The following LYSMD3 variants were observed in gnomAD, a reference collection of about 807,000 sequenced individuals.
LYSMD3 encodes the protein lysM and putative peptidoglycan-binding domain-containing protein 3.
LYSMD3 carries 13 observed loss-of-function variants against 26.1 expected under a neutral mutation model. The observed-to-expected ratio is 0.50, with a 90% confidence interval of 0.32 to 0.79. LYSMD3 has a LOEUF of 0.79. Among genes scored for constraint, LYSMD3 ranks in the 30% least tolerant of loss-of-function variants. The pLI is 0.03. For synonymous variants in LYSMD3, 109 were observed against 119.4 expected (o/e 0.91, Z 0.57); for missense variants, 331 against 362.5 (o/e 0.91, Z 0.71).
In LYSMD3 at chr5:90,517,474, A is replaced by G. The variant is rs573229091; in HGVS notation, c.*1345T>C. ...TCTATTGAAGAATCATTCTGGTTAC[A>G]TTTTTAAAACACATACTTTTAAAGA... On this transcript the variant is annotated 3_prime_UTR_variant, in exon 3 of 3. Coordinates refer to ENST00000315948, the MANE Select transcript of LYSMD3 (RefSeq NM_198273.2). 2 of 152,140 alleles carry G rather than the reference A, an allele frequency of 1.3e-5. No individual in the cohort carries two copies. Among genetic ancestry groups the G allele is most frequent in the South Asian group, 4.1e-4 (2 of 4,828 alleles). 9.4% of individuals were successfully genotyped at this position (152,140 alleles called of 1,614,324 possible).
In LYSMD3 at chr5:90,516,766, C is replaced by T. The variant is rs1352541995; in HGVS notation, c.*2053G>A. On this transcript the variant is annotated 3_prime_UTR_variant, in exon 3 of 3. Coordinates refer to ENST00000315948, the MANE Select transcript of LYSMD3 (RefSeq NM_198273.2). Reference sequence around the variant, plus strand: ...GTGTTATAAGGATGTATATTTCCTTCAAAAAAGGATACTCTGCAAGACAAA... The same window carrying T: ...GTGTTATAAGGATGTATATTTCCTTTAAAAAAGGATACTCTGCAAGACAAA... 2 of 152,166 alleles carry T rather than the reference C, an allele frequency of 1.3e-5. No homozygotes were observed. The highest frequency in any genetic ancestry group is 2.9e-5 in the Non-Finnish European group (2 of 67,834). 9.4% of individuals were successfully genotyped at this position (152,166 alleles called of 1,614,324 possible).
intron 2 of LYSMD3, among the ~76,000 whole-genome samples, chr5:90,523,397 A>T (rs867688879): frequency 1.5e-4 from 23 of 151,948 alleles, no homozygotes; most frequent in Middle Eastern, 3.4e-3. Flanking sequence ...CATGACCATA[A>T]TTTTTTTAGA....
chr5:90,528,849 C>T (rs1229746077), intron 1 of LYSMD3, among the ~76,000 whole-genome samples: 1 of 152,186 alleles, frequency 6.6e-6, no homozygotes, highest in African/African-American at 2.4e-5. Context: ...GTTTCCCAAA[C>T]ACCTTCGTAC....
At chr5:90,529,008 T>TA (rs1327217963) in intron 1 of LYSMD3, among the ~76,000 whole-genome samples, 3 of 152,182 alleles carry the variant, frequency 2.0e-5, no homozygotes, top group Admixed American at 6.5e-5. Context: ...TTTTAAAACT[T>TA]AACTACCTCC....
intron 1 of LYSMD3, 140 bp from the exon 2 acceptor site, chr5:90,525,440 G>T (rs550601796): frequency 1.1e-6 from 1 of 887,638 alleles, no homozygotes; most frequent in Non-Finnish European, 1.6e-6. Context: ...GTTTAAGTTC[G>T]TTTTTTTGTT....
intron 2 of LYSMD3, among the ~76,000 whole-genome samples, chr5:90,522,898 A>G (rs2151921588): frequency 2.0e-5 from 3 of 152,340 alleles, no homozygotes; most frequent in Middle Eastern, 6.8e-3. Context: ...CTCATTGGAA[A>G]TATGACCTAT....
chr5:90,519,170 T>C lies in LYSMD3; in HGVS notation c.570A>G (p.Thr190=). The change falls in exon 3 of 3, where the codon ACA becomes ACG. Residue 190 remains threonine, a synonymous_variant. Transcript: ENST00000315948. ...ENLNEVVSAL[T]AQQMRFEPDN... is the part of the protein sequence containing the mutation. ...CAGGTTCAAAACGCATTTGTTGTGC[T>C]GTTAAGGCCGATACTACCTCATTGA... The C allele has an allele frequency of 6.2e-7, 1 of 1,614,118 alleles. No individual in the cohort carries two copies. The highest frequency in any genetic ancestry group is 8.5e-7 in the Non-Finnish European group (1 of 1,179,992).
Position 90,519,157 on chromosome 5 carries a change from G to A in LYSMD3, c.583C>T (p.Arg195Cys), listed in dbSNP as rs376158587. The A allele has an allele frequency of 7.6e-5, 122 of 1,613,858 alleles. No homozygotes were observed. The highest frequency in any genetic ancestry group is 3.2e-4 in the Admixed American group (19 of 59,990). Reference sequence around the variant, plus strand: ...GTGTTTTTGTTATCAGGTTCAAAACGCATTTGTTGTGCTGTTAAGGCCGAT... The same window carrying A: ...GTGTTTTTGTTATCAGGTTCAAAACACATTTGTTGTGCTGTTAAGGCCGAT... ...VVSALTAQQMRFEPDNKNTQR... is the reference protein window; with the variant it reads ...VVSALTAQQMCFEPDNKNTQR... The change falls in exon 3 of 3, where the codon CGT becomes TGT. Residue 195 changes from arginine (R) to cysteine (C), a missense_variant. Arg to Cys is a radical substitution (Grantham distance 180, BLOSUM62 -3). Coordinates refer to ENST00000315948, the MANE Select transcript of LYSMD3 (RefSeq NM_198273.2).
chr5:90,517,569 A>G lies in LYSMD3; in HGVS notation c.*1250T>C, dbSNP rs904268423. The stretch of plus-strand genomic sequence containing the variant: ...CTGTAGCCGACTCAACAGATCTTAA[A>G]AAGAGGCACTACCACCCCCTTTCAA... On this transcript the variant is annotated 3_prime_UTR_variant, in exon 3 of 3. Coordinates refer to ENST00000315948, the MANE Select transcript of LYSMD3 (RefSeq NM_198273.2). 1.3e-5 allele frequency: 2 copies of G among 152,038 alleles called. No homozygotes were observed. The highest frequency in any genetic ancestry group is 2.4e-5 in the African/African-American group (1 of 41,422). 9.4% of individuals were successfully genotyped at this position (152,038 alleles called of 1,614,324 possible).
intron 1 of LYSMD3, among the ~76,000 whole-genome samples, chr5:90,528,140 A>G (rs912440643): frequency 2.0e-5 from 3 of 152,074 alleles, no homozygotes; most frequent in African/African-American, 7.2e-5. Flanking sequence ...TCTTTTTTTA[A>G]TCTTGTGTCT....
At position 90,517,334 on chromosome 5, in the gene LYSMD3, A is replaced by C. The variant is rs1342727007; in HGVS notation, c.*1485T>G. On this transcript the variant is annotated 3_prime_UTR_variant, in exon 3 of 3. Coordinates refer to ENST00000315948, the MANE Select transcript of LYSMD3 (RefSeq NM_198273.2). ...TTTGAAATATATAAAATGACTTATC[A>C]AAAGCCTGAAACATCAACAATTAGG... 1.3e-5 allele frequency: 2 copies of C among 152,050 alleles called. No individual in the cohort carries two copies. 9.4% of individuals were successfully genotyped at this position (152,050 alleles called of 1,614,324 possible).
At chr5:90,528,898 T>G (rs1315973204) in intron 1 of LYSMD3, among the ~76,000 whole-genome samples, 1 of 151,288 alleles carries the variant, frequency 6.6e-6, no homozygotes, top group East Asian at 1.9e-4. Flanking sequence ...TGACCTTCTT[T>G]AACTAAGCAA....
At position 90,516,639 on chromosome 5, in the gene LYSMD3, TAATTC is replaced by T. The variant is rs1470626874; in HGVS notation, c.*2175_*2179del. The T allele has an allele frequency of 1.3e-5, 2 of 152,312 alleles. No individual in the cohort carries two copies. Among genetic ancestry groups the T allele is most frequent in the Admixed American group, 1.3e-4 (2 of 15,268 alleles). 9.4% of individuals were successfully genotyped at this position (152,312 alleles called of 1,614,324 possible). A position where few individuals can be genotyped will look rare whatever the true frequency, so the allele number is the denominator to read the frequency against. On this transcript the variant is annotated 3_prime_UTR_variant, in exon 3 of 3. Transcript: ENST00000315948. ...TTCTTTCCTAAACAGATTAGAACCA[TAATTC>T]AATATGTAACCTTTATATAGAATTA... is the stretch of plus-strand genomic sequence containing the variant.
In LYSMD3 at chr5:90,518,407, C is replaced by T. The variant is rs1334486883; in HGVS notation, c.*412G>A. 6.4e-6 allele frequency: 1 copy of T among 156,700 alleles called. No individual in the cohort carries two copies. The highest frequency in any genetic ancestry group is 1.4e-5 in the Non-Finnish European group (1 of 71,344). The allele number at this position is 156,700 out of a possible 1,614,324, so 9.7% of individuals were successfully genotyped here. On this transcript the variant is annotated 3_prime_UTR_variant, in exon 3 of 3. Coordinates refer to ENST00000315948, the MANE Select transcript of LYSMD3 (RefSeq NM_198273.2). ...ATTTTAGAATCAAATTTTCTTGCAA[C>T]TGAATATTTTGGGGGTTCATAGTAG...
rs368685200 is a variant in LYSMD3 at position 90,525,270 on chromosome 5, T to C, written c.20A>G (p.Asn7Ser). The change falls in exon 2 of 3, where the codon AAT becomes AGT. Residue 7 changes from asparagine (N) to serine (S), a missense_variant. Physicochemically the swap from Asn to Ser is conservative, Grantham distance 46. This residue lies in a region of LYSMD3 where 262 missense variants were observed against 267.3 expected (regional missense o/e 0.98). Transcript: ENST00000315948. MAGRHQ[N>S]RSFPLPGVQS... ...AACTCCTGGAAGAGGAAAACTACGA[T>C]TCTGATGCCTCCCTGCCATAATGTT... 1.4e-5 allele frequency: 22 copies of C among 1,608,560 alleles called. No individual in the cohort carries two copies. In the African/African-American group the frequency reaches 2.0e-4, roughly 15 times the overall value.
At chr5:90,523,197 G>A (rs1402259779) in intron 2 of LYSMD3, among the ~76,000 whole-genome samples, 1 of 152,054 alleles carries the variant, frequency 6.6e-6, no homozygotes. Context: ...ATAATGGCAA[G>A]AATTGATGTT....
At chr5:90,521,438 T>C (rs1464177057) in intron 2 of LYSMD3, among the ~76,000 whole-genome samples, 3 of 151,984 alleles carry the variant, frequency 2.0e-5, no homozygotes, top group Non-Finnish European at 2.9e-5. Context: ...TCAAGTACAA[T>C]GAAGACTAAA....
rs995834808 is a variant in LYSMD3, at chr5:90,517,349, C to G, written c.*1470G>C. 6.6e-6 allele frequency: 1 copy of G among 151,830 alleles called. No homozygotes were observed. Among genetic ancestry groups the G allele is most frequent in the African/African-American group, 2.4e-5 (1 of 41,344 alleles). The allele number at this position is 151,830 out of a possible 1,614,324, so 9.4% of individuals were successfully genotyped here. A position where few individuals can be genotyped will look rare whatever the true frequency, so the allele number is the denominator to read the frequency against. ...ATGACTTATCAAAAGCCTGAAACAT[C>G]AACAATTAGGAAATAATGCCCAGAA... On this transcript the variant is annotated 3_prime_UTR_variant, in exon 3 of 3. Coordinates refer to ENST00000315948, the MANE Select transcript of LYSMD3 (RefSeq NM_198273.2).
chr5:90,527,561 C>G (rs1305685612), intron 1 of LYSMD3, among the ~76,000 whole-genome samples: 1 of 152,148 alleles, frequency 6.6e-6, no homozygotes, highest in Non-Finnish European at 1.5e-5. Flanking sequence ...GATAGTGACA[C>G]TTTTACCTGC....
Sources: gnomAD v4.1 joint callset for allele counts (sites outside exome capture counted in the v4.1 genomes callset) on GRCh38, gnomAD v4.1.1 for gene constraint, gnomAD v4.1.1 regional missense constraint, MANE v1.5 for transcripts, NCBI Gene and HGNC (gene_info 2026-07-23, HGNC 2026-07-21) for gene names.